The following SCYL2 variants were observed in gnomAD, a reference collection of about 807,000 sequenced individuals.
SCYL2 encodes the protein SCY1-like protein 2.
SCYL2 carries 36 observed loss-of-function variants against 100.4 expected under a neutral mutation model. That is an observed-to-expected ratio of 0.36 (90% confidence interval 0.27 to 0.47). The LOEUF is 0.47. Ranked by LOEUF, SCYL2 falls within the 20% of genes least tolerant of loss-of-function variation. The pLI is 1.00. For missense variants in SCYL2, 902 were observed against 1,083.9 expected, an observed-to-expected ratio of 0.83 and a Z score of 2.36; for synonymous variants, 330 against 359.2, an observed-to-expected ratio of 0.92 and a Z score of 0.92.
intron 10 of SCYL2, among the ~76,000 whole-genome samples, chr12:100,323,313 T>A (rs975382651): frequency 6.6e-6 from 1 of 152,164 alleles, no homozygotes; most frequent in African/African-American, 2.4e-5. Flanking sequence ...TGACTTTGAG[T>A]AATGTCTTCT....
rs1480957860 is a variant in SCYL2 at position 100,341,183 on chromosome 12, T to G, written c.*2011T>G. ...ATTGTTCCTACACCTTTTTTCTACT[T>G]CAGGTATTTTATTTCAACCATTTCC... On this transcript the variant is annotated 3_prime_UTR_variant, in exon 18 of 18. Coordinates refer to ENST00000360820, the MANE Select transcript of SCYL2 (RefSeq NM_017988.6). The G allele has an allele frequency of 6.6e-6, 1 of 152,102 alleles. No homozygotes were observed. The highest frequency in any genetic ancestry group is 2.4e-5 in the African/African-American group (1 of 41,442). 9.4% of individuals were successfully genotyped at this position (152,102 alleles called of 1,614,324 possible).
Position 100,315,706 on chromosome 12 carries a change from C to A in SCYL2, c.1244C>A (p.Pro415His). ...YVKLILPELG[P>H]VFKQQEPIQI... ...AAATTAATTCTTCCTGAACTTGGCC[C>A]TGTGTTTAAGCAGCAGGAGCCAATC... Residue 415 changes from proline to histidine, a missense_variant, in exon 9 of 18, where the codon CCT (proline) becomes CAT (histidine). Transcript: ENST00000360820. 1 of 1,609,634 alleles carries A rather than the reference C, an allele frequency of 6.2e-7. No homozygotes were observed. Among genetic ancestry groups the A allele is most frequent in the Non-Finnish European group, 8.5e-7 (1 of 1,177,800 alleles).
chr12:100,280,976 G>T (rs1446657228), intron 1 of SCYL2, among the ~76,000 whole-genome samples: 3 of 144,196 alleles, frequency 2.1e-5, no homozygotes, highest in African/African-American at 7.8e-5. Flanking sequence ...ATAATCTTCT[G>T]ACTGTATGCT....
At chr12:100,320,480 G>A (rs754172268) in intron 10 of SCYL2, among the ~76,000 whole-genome samples, 1 of 151,968 alleles carries the variant, frequency 6.6e-6, no homozygotes, top group South Asian at 2.1e-4. Flanking sequence ...CCCGGGAGGC[G>A]GAGGATGCAG....
intron 1 of SCYL2, among the ~76,000 whole-genome samples, chr12:100,282,133 T>C (rs961047186): frequency 6.6e-6 from 1 of 152,002 alleles, no homozygotes; most frequent in African/African-American, 2.4e-5. Flanking sequence ...CAAGCAATTC[T>C]TGTACCTTAG....
chr12:100,297,620 C>T (rs909993636), intron 3 of SCYL2, among the ~76,000 whole-genome samples: 4 of 152,112 alleles, frequency 2.6e-5, no homozygotes, highest in East Asian at 3.8e-4. Flanking sequence ...TCCAGAAGTT[C>T]CTTTGAGCGT....
chr12:100,325,836 A>T (rs2096361114), intron 11 of SCYL2, among the ~76,000 whole-genome samples: 2 of 152,210 alleles, frequency 1.3e-5, no homozygotes, highest in South Asian at 4.1e-4. Flanking sequence ...TACCTTTTTG[A>T]ATTTATAATA....
At chr12:100,293,021 A>G (rs2096312398) in intron 3 of SCYL2, among the ~76,000 whole-genome samples, 1 of 151,926 alleles carries the variant, frequency 6.6e-6, no homozygotes, top group Non-Finnish European at 1.5e-5. Flanking sequence ...TGTTTTGTAG[A>G]AGTGGGGTCT....
chr12:100,329,122 C>T (rs549662256), intron 12 of SCYL2, 79 bp from the exon 13 acceptor site: 8 of 714,276 alleles, frequency 1.1e-5, no homozygotes, highest in Non-Finnish European at 1.5e-5. Flanking sequence ...CAAGGGATTT[C>T]GTATACATAT....
intron 3 of SCYL2, among the ~76,000 whole-genome samples, chr12:100,293,682 G>A (rs947615627): frequency 2.6e-5 from 4 of 151,928 alleles, no homozygotes; most frequent in East Asian, 1.9e-4. Flanking sequence ...GCAGCCTTCC[G>A]CAGTGTTTGT....
intron 4 of SCYL2, among the ~76,000 whole-genome samples, chr12:100,298,604 C>T (rs1017631278): frequency 6.6e-6 from 1 of 152,082 alleles, no homozygotes; most frequent in Admixed American, 6.5e-5. Context: ...GGCTGGAGTG[C>T]AATGGCACGA....
At chr12:100,315,291 T>G (rs2096347129) in intron 8 of SCYL2, among the ~76,000 whole-genome samples, 1 of 152,132 alleles carries the variant, frequency 6.6e-6, no homozygotes, top group Admixed American at 6.6e-5. Flanking sequence ...AAAACAAACA[T>G]AGCGGTGGAG....
At chr12:100,327,111 A>AT in intron 12 of SCYL2, 1 of 316,976 alleles carries the variant, frequency 3.2e-6, no homozygotes, top group Non-Finnish European at 6.3e-6. Context: ...GAGGCAAAGT[A>AT]TTTTCTCTGC....
At position 100,329,270 on chromosome 12, in the gene SCYL2, T is replaced by C; in HGVS notation, c.1712T>C (p.Leu571Ser). ...ITKEQLAGKV[L>S]PHLIPLSIEN... ...AAAGAGCAGCTGGCCGGAAAAGTGT[T>C]GCCTCATCTTATTCCCCTGAGTATT... is the stretch of plus-strand genomic sequence containing the variant. The change falls in exon 13 of 18, where the codon TTG becomes TCG. Residue 571 changes from leucine to serine, a missense_variant. Leu to Ser is a moderately radical substitution (Grantham distance 145). Coordinates refer to ENST00000360820, the MANE Select transcript of SCYL2 (RefSeq NM_017988.6). 6.2e-7 allele frequency: 1 copy of C among 1,607,816 alleles called. No homozygotes were observed. The highest frequency in any genetic ancestry group is 8.5e-7 in the Non-Finnish European group (1 of 1,174,454).
In SCYL2 at chr12:100,315,559, G is replaced by T. The variant is rs558327678; in HGVS notation, c.1097G>T (p.Arg366Leu). ...TTAAAAAACATTTTTGCCTTTCAGC[G>T]TGTCATTGTGCAGAGAATTTTGCCT... ...LPKVLPKLPK[R>L]VIVQRILPCL... The change falls in exon 9 of 18, where the codon CGT (arginine) becomes CTT (leucine). Residue 366 changes from arginine (R) to leucine (L), a missense_variant and splice_region_variant. By Grantham distance (102) the Arg-to-Leu change is moderately radical (BLOSUM62 -2). Transcript: ENST00000360820. 3.2e-6 allele frequency: 5 copies of T among 1,566,528 alleles called. No homozygotes were observed. The Middle Eastern group carries it at 5.1e-4, about 160-fold the overall frequency.
At chr12:100,293,942 A>C (rs1036682323) in intron 3 of SCYL2, among the ~76,000 whole-genome samples, 1 of 151,970 alleles carries the variant, frequency 6.6e-6, no homozygotes, top group African/African-American at 2.4e-5. Context: ...CTACACAGAC[A>C]CGGCAACCAT....
intron 2 of SCYL2, among the ~76,000 whole-genome samples, chr12:100,285,607 AT>A (rs1314063598): frequency 2.0e-5 from 3 of 152,174 alleles, no homozygotes; most frequent in Non-Finnish European, 4.4e-5. Flanking sequence ...GGTTTATCTA[AT>A]TTTTGAAAAT....
At position 100,323,428 on chromosome 12, in the gene SCYL2, T is replaced by C; in HGVS notation, c.1396-97T>C. ...ATATATATGAAAATTTGTTTCAAACTATATGACAGTTTAGCCATGCAAATG... is the reference window on the plus strand; with the variant it reads ...ATATATATGAAAATTTGTTTCAAACCATATGACAGTTTAGCCATGCAAATG... On this transcript the variant is annotated intron_variant, in intron 10 of 17. Coordinates refer to ENST00000360820, the MANE Select transcript of SCYL2 (RefSeq NM_017988.6). 5.6e-6 allele frequency: 4 copies of C among 713,566 alleles called. No individual in the cohort carries two copies. In the South Asian group the frequency reaches 6.7e-5, roughly 12 times the overall value. 44.2% of individuals were successfully genotyped at this position (713,566 alleles called of 1,614,324 possible).
intron 10 of SCYL2, among the ~76,000 whole-genome samples, chr12:100,319,647 G>A (rs940310192): frequency 2.0e-5 from 3 of 152,242 alleles, no homozygotes; most frequent in African/African-American, 7.2e-5. Flanking sequence ...AGCCTCCCAG[G>A]TACCTGGGAT....
Sources: gnomAD v4.1 joint callset for allele counts (sites outside exome capture counted in the v4.1 genomes callset) on GRCh38, gnomAD v4.1.1 for gene constraint, MANE v1.5 for transcripts, NCBI Gene and HGNC (gene_info 2026-07-23, HGNC 2026-07-21) for gene names.